BET1: variants seen among roughly 807,000 people sequenced by gnomAD.
BET1 encodes the protein Bet1 golgi vesicular membrane trafficking protein, also known as BET1 homolog.
BET1 carries 9 observed loss-of-function variants against 13.9 expected under a neutral mutation model. That is an observed-to-expected ratio of 0.65 (90% CI 0.39 to 1.13). The LOEUF is 1.13. Among genes scored for constraint, BET1 ranks in the 50% most tolerant of loss-of-function variants. The pLI is 0.01. For missense variants in BET1, 127 were observed against 133.6 expected, an observed-to-expected ratio of 0.95 and a Z score of 0.24; for synonymous variants, 39 against 47.3, an observed-to-expected ratio of 0.82 and a Z score of 0.72.
At chr7:93,981,462 C>T (rs1795425648) in intron 4 of BET1, among the ~76,000 whole-genome samples, 1 of 152,168 alleles carries the variant, frequency 6.6e-6, no homozygotes, top group Non-Finnish European at 1.5e-5. Context: ...TTGGCCCACA[C>T]TTCCTGAAAA....
At chr7:93,984,717 T>C (rs1795492353) in intron 4 of BET1, among the ~76,000 whole-genome samples, 1 of 152,170 alleles carries the variant, frequency 6.6e-6, no homozygotes, top group Non-Finnish European at 1.5e-5. Context: ...TTGATGGAAA[T>C]TTAAATCAGA....
chr7:93,976,926 T>G (rs771645004), intron 4 of BET1, among the ~76,000 whole-genome samples: 3 of 152,130 alleles, frequency 2.0e-5, no homozygotes, highest in Non-Finnish European at 4.4e-5. Context: ...GAAGAGAAGA[T>G]ATTTGGTTTA....
rs567360808 is a variant in BET1, at chr7:93,970,496, G to C, written c.*137+2079C>G. Among the ~76,000 whole-genome samples the C allele has an allele frequency of 2.0e-5, 3 of 151,764 alleles. No homozygotes were observed. The South Asian group carries it at 6.2e-4, about 31-fold the overall frequency. On this transcript the variant is annotated intron_variant and NMD_transcript_variant, in intron 6 of 6. Transcript: ENST00000357520. ...TAATTTTAGAATTTGCATATTTTAC[G>C]CATTTTTTTCTGAACCCTGAGCACA...
At chr7:93,989,668 G>T (rs1000709133), downstream of BET1, among the ~76,000 whole-genome samples, 2 of 152,170 alleles carry the variant, frequency 1.3e-5, no homozygotes, top group Non-Finnish European at 2.9e-5. Context: ...AATACATCAC[G>T]TTCTTGGTGC....
chr7:93,995,623 C>A (rs1196082466), intron 3 of BET1, among the ~76,000 whole-genome samples: 1 of 152,118 alleles, frequency 6.6e-6, no homozygotes, highest in Admixed American at 6.5e-5. Flanking sequence ...TTAAAGAGGT[C>A]CCTAGCTTAT....
chr7:93,968,365 G>C (rs765294244), intron 6 of BET1: 7 of 151,664 alleles, frequency 4.6e-5, no homozygotes, highest in Non-Finnish European at 1.0e-4. Flanking sequence ...CTAATTTGTA[G>C]TGACTTATCA....
exon 7 of BET1, chr7:93,965,663 A>G (rs1392361861): frequency 6.6e-6 from 1 of 152,082 alleles, no homozygotes; most frequent in African/African-American, 2.4e-5. Flanking sequence ...CTGATTGCCC[A>G]ACTAGGAGTT....
Position 93,994,378 on chromosome 7 carries a change from T to C in BET1, c.209A>G (p.Gln70Arg), listed in dbSNP as rs1177650213. 3.1e-6 allele frequency: 5 copies of C among 1,612,336 alleles called. No individual in the cohort carries two copies. The highest frequency in any genetic ancestry group is 4.2e-6 in the Non-Finnish European group (5 of 1,179,294). Residue 70 changes from glutamine (Q) to arginine (R), a missense_variant, in exon 4 of 4, where the codon CAA becomes CGA. By Grantham distance (43) the Gln-to-Arg change is conservative. Coordinates refer to ENST00000222547, the MANE Select transcript of BET1 (RefSeq NM_005868.6). Reference sequence around the variant, plus strand: ...TAGAAATCCAGTTGTGGAATCAAATTGTGAATCCTATCAGAGATAAAGGCA... The same window carrying C: ...TAGAAATCCAGTTGTGGAATCAAATCGTGAATCCTATCAGAGATAAAGGCA... ...QNKLLAEMDS[Q>R]FDSTTGFLGK...
chr7:93,974,828 A>G (rs1486972562), intron 5 of BET1, among the ~76,000 whole-genome samples: 1 of 152,074 alleles, frequency 6.6e-6, no homozygotes, highest in African/African-American at 2.4e-5. Context: ...TTATTAATTA[A>G]AAAAGAAATA....
downstream of BET1, among the ~76,000 whole-genome samples, chr7:93,991,253 A>T (rs1795627860): frequency 6.6e-6 from 1 of 152,220 alleles, no homozygotes; most frequent in Admixed American, 6.5e-5. Flanking sequence ...AACATATGTA[A>T]AATATGGAAA....
rs1238152748 is a variant in BET1, at chr7:93,994,224, C to T, written c.*6G>A. Reference sequence around the variant, plus strand: ...GGAACAAATTCCAAATTCACAATTACATGCATCACCTCAGTTTAATAATCC... The same window carrying T: ...GGAACAAATTCCAAATTCACAATTATATGCATCACCTCAGTTTAATAATCC... On this transcript the variant is annotated 3_prime_UTR_variant, in exon 4 of 4. Transcript: ENST00000222547. 2 of 1,589,656 alleles carry T rather than the reference C, an allele frequency of 1.3e-6. No individual in the cohort carries two copies. Among genetic ancestry groups the T allele is most frequent in the Admixed American group, 3.6e-5 (2 of 55,890 alleles).
chr7:93,990,641 T>C (rs2116099744), downstream of BET1, among the ~76,000 whole-genome samples: 1 of 152,274 alleles, frequency 6.6e-6, no homozygotes, highest in Middle Eastern at 3.4e-3. Flanking sequence ...TGTATAATTA[T>C]AACCCATGTT....
At position 94,004,337 on chromosome 7, in the gene BET1, A is replaced by AT; in HGVS notation, c.-122_-121insA. The AT allele has an allele frequency of 7.3e-7, 1 of 1,375,552 alleles. No individual in the cohort carries two copies. The highest frequency in any genetic ancestry group is 1.0e-6 in the Non-Finnish European group (1 of 969,556). The allele number at this position is 1,375,552 out of a possible 1,614,324, so 85.2% of individuals were successfully genotyped here. A position where few individuals can be genotyped will look rare whatever the true frequency, so the allele number is the denominator to read the frequency against. On this transcript the variant is annotated 5_prime_UTR_variant, in exon 1 of 4. It introduces an in-frame stop codon into an upstream open reading frame of the 5' UTR. Transcript: ENST00000222547. ...CAGCGAAACACCAACTTCTTCCCCT[A>AT]AAGCGCCACGACATCAGTGGAGTCT...
Position 93,994,318 on chromosome 7 carries a change from C to A in BET1, c.269G>T (p.Arg90Ile). The A allele has an allele frequency of 6.2e-7, 1 of 1,613,792 alleles. No individual in the cohort carries two copies. Among genetic ancestry groups the A allele is most frequent in the Non-Finnish European group, 8.5e-7 (1 of 1,179,854 alleles). The change falls in exon 4 of 4, where the codon AGA becomes ATA. Residue 90 changes from arginine to isoleucine, a missense_variant. Arg to Ile is a moderately conservative substitution (Grantham distance 97). Transcript: ENST00000222547. ...KTMGKLKILS[R>I]GSQTKLLCYM... ...GCACAGCAGCTTTGTTTGGCTCCCTCTGGATAAAATCTTCAGTTTGCCCAT... is the reference window on the plus strand; with the variant it reads ...GCACAGCAGCTTTGTTTGGCTCCCTATGGATAAAATCTTCAGTTTGCCCAT...
intron 6 of BET1, among the ~76,000 whole-genome samples, chr7:93,969,924 C>CTA (rs1795232715): frequency 6.6e-6 from 1 of 151,632 alleles, no homozygotes; most frequent in South Asian, 2.1e-4. Context: ...ACAATGTATA[C>CTA]TATTTGAAAT....
intron 4 of BET1, among the ~76,000 whole-genome samples, chr7:93,984,178 C>T (rs1267349508): frequency 1.3e-5 from 2 of 152,072 alleles, no homozygotes; most frequent in African/African-American, 4.8e-5. Context: ...GCATATTGCT[C>T]AATCTCTGCC....
chr7:93,966,202 T>C (rs922240848), intron 6 of BET1, among the ~76,000 whole-genome samples: 7 of 152,014 alleles, frequency 4.6e-5, no homozygotes, highest in African/African-American at 1.7e-4. Context: ...TGGTCCCAAG[T>C]AAAAGAAGCA....
Position 93,983,155 on chromosome 7 carries a change from C to T in BET1, c.236-7055G>A, listed in dbSNP as rs983246839. 6.6e-5 allele frequency among the ~76,000 whole-genome samples: 10 copies of T among 152,244 alleles called. No individual in the cohort carries two copies. In the South Asian group the frequency reaches 1.0e-3, roughly 16 times the overall value. On this transcript the variant is annotated intron_variant and NMD_transcript_variant, in intron 4 of 6. Transcript: ENST00000357520. ...TCAATGATTAAGGCATGACCCATGG[C>T]TTGTTGATTATTTTTGACCTGTCAT... is the stretch of plus-strand genomic sequence containing the variant.
intron 4 of BET1, among the ~76,000 whole-genome samples, chr7:93,982,225 TAG>T (rs1795441013): frequency 6.6e-6 from 1 of 152,116 alleles, no homozygotes; most frequent in African/African-American, 2.4e-5. Context: ...TATAGATATA[TAG>T]ATCAGTCTAT....
Sources: gnomAD v4.1 joint callset for allele counts (sites outside exome capture counted in the v4.1 genomes callset) on GRCh38, gnomAD v4.1.1 for gene constraint, MANE v1.5 for transcripts, NCBI Gene and HGNC (gene_info 2026-07-23, HGNC 2026-07-21) for gene names.